Variants in DPP6 observed in about 807,000 individuals in gnomAD.
The protein encoded by DPP6 is A-type potassium channel modulatory protein DPP6.
In DPP6, 69 loss-of-function variants were observed where a neutral mutation model predicts 122.6. That is an observed-to-expected ratio of 0.56 (90% CI 0.46 to 0.69). The LOEUF (loss-of-function observed/expected upper bound fraction) is 0.69. Among genes scored for constraint, DPP6 ranks in the 30% least tolerant of loss-of-function variants. The pLI is 0.00. For missense variants in DPP6, 928 were observed against 1,116.9 expected (o/e 0.83, Z 2.41); for synonymous variants, 418 against 433.1 (o/e 0.97, Z 0.43).
At chr7:154,870,164 T>C (rs1394339733) in intron 18 of DPP6, among the ~76,000 whole-genome samples, 1 of 133,890 alleles carries the variant, frequency 7.5e-6, no homozygotes, top group Non-Finnish European at 1.6e-5. Context: ...TTTTTTTTTT[T>C]CGTAGAGACA....
chr7:154,734,962 T>C (rs1207939295), intron 8 of DPP6, among the ~76,000 whole-genome samples: 1 of 152,242 alleles, frequency 6.6e-6, no homozygotes, highest in Non-Finnish European at 1.5e-5. Flanking sequence ...CTACTATTGC[T>C]TTACCTTGTA....
At chr7:153,839,569 C>T in the DPP6 span, among the ~76,000 whole-genome samples, 2 of 152,236 alleles carry the variant, frequency 1.3e-5, no homozygotes, top group Non-Finnish European at 2.9e-5. Context: ...TCCCACTGGG[C>T]AGGCTCCTTT....
intron 10 of DPP6, among the ~76,000 whole-genome samples, chr7:154,780,585 T>C (rs1466094286): frequency 6.6e-6 from 1 of 152,236 alleles, no homozygotes; most frequent in Non-Finnish European, 1.5e-5. Flanking sequence ...ACTGAAACAC[T>C]GGACAAGGTT....
intron 1 of DPP6, among the ~76,000 whole-genome samples, chr7:154,293,514 T>C (rs1259304531): frequency 6.6e-6 from 1 of 152,176 alleles, no homozygotes; most frequent in Non-Finnish European, 1.5e-5. Flanking sequence ...CCCCATCAAC[T>C]CCTTCATCCT....
intron 1 of DPP6, among the ~76,000 whole-genome samples, chr7:154,425,281 C>T (rs917530861): frequency 1.3e-5 from 2 of 152,072 alleles, no homozygotes; most frequent in Non-Finnish European, 2.9e-5. Context: ...TAGGAAACAC[C>T]CAACAACACT....
chr7:154,596,473 A>G (rs1290469890), intron 5 of DPP6, among the ~76,000 whole-genome samples: 2 of 152,254 alleles, frequency 1.3e-5, no homozygotes, highest in Non-Finnish European at 2.9e-5. Flanking sequence ...AAAACGTGAA[A>G]GGATTTCCAC....
At position 154,019,449 on chromosome 7, in the gene DPP6, C is replaced by G. The variant is rs557474636; in HGVS notation, c.51+131715C>G. Among the ~76,000 whole-genome samples the G allele has an allele frequency of 2.4e-3, 360 of 151,478 alleles. 1 individual carries two copies. Among genetic ancestry groups the G allele is most frequent in the Admixed American group, 2.8e-3 (42 of 15,168 alleles). ...CTATTTCTTCCTCTCTCTCTTCCTT[C>G]CCTCCTTCCCTCCCTTCCTCCCTCC... On this transcript the variant is annotated intron_variant, in intron 1 of 25. Coordinates refer to the DPP6 transcript ENST00000404039.
At chr7:154,467,186 G>A (rs1476932645) in intron 2 of DPP6, among the ~76,000 whole-genome samples, 1 of 152,196 alleles carries the variant, frequency 6.6e-6, no homozygotes, top group African/African-American at 2.4e-5. Flanking sequence ...CCCTCTGGGA[G>A]TCATCTTTCT....
At chr7:154,220,181 T>C (rs1013095947) in intron 1 of DPP6, among the ~76,000 whole-genome samples, 2 of 152,172 alleles carry the variant, frequency 1.3e-5, no homozygotes, top group African/African-American at 4.8e-5. Context: ...CGGAAGTAAT[T>C]AAGTCCTGAG....
intron 1 of DPP6, among the ~76,000 whole-genome samples, chr7:154,391,526 T>A (rs747497108): frequency 6.6e-6 from 1 of 152,140 alleles, no homozygotes; most frequent in Non-Finnish European, 1.5e-5. Flanking sequence ...AAAACCTATT[T>A]CTCCTTAATT....
chr7:153,989,127 G>C (rs1177096875), intron 1 of DPP6, among the ~76,000 whole-genome samples: 14 of 149,676 alleles, frequency 9.4e-5, no homozygotes, highest in African/African-American at 3.4e-4. Flanking sequence ...GAGGAGGGCG[G>C]CTCTCTGGTG....
intron 1 of DPP6, among the ~76,000 whole-genome samples, chr7:154,003,273 T>A (rs1299510754): frequency 6.6e-6 from 1 of 152,150 alleles, no homozygotes; most frequent in Admixed American, 6.5e-5. Flanking sequence ...AGTGACTGCT[T>A]AGAGTTTATG....
At chr7:153,986,325 C>T (rs1421507644) in intron 1 of DPP6, among the ~76,000 whole-genome samples, 1 of 151,914 alleles carries the variant, frequency 6.6e-6, no homozygotes, top group Non-Finnish European at 1.5e-5. Flanking sequence ...GAGAAGCTAT[C>T]TTTCTATTTT....
At chr7:154,591,556 A>G (rs1832809829) in intron 5 of DPP6, among the ~76,000 whole-genome samples, 1 of 152,168 alleles carries the variant, frequency 6.6e-6, no homozygotes, top group Admixed American at 6.5e-5. Flanking sequence ...AGAGAGTGAG[A>G]TAATTAAAGT....
the DPP6 span, among the ~76,000 whole-genome samples, chr7:153,764,246 A>C: frequency 6.6e-6 from 1 of 152,134 alleles, no homozygotes; most frequent in Admixed American, 6.5e-5. Context: ...GGAAACCTGC[A>C]CTGGGGAAGG....
intron 4 of DPP6, among the ~76,000 whole-genome samples, chr7:154,560,418 T>C (rs1221573001): frequency 6.6e-6 from 1 of 152,208 alleles, no homozygotes; most frequent in Non-Finnish European, 1.5e-5. Context: ...AAATCTGATC[T>C]AATATAGGGT....
At chr7:153,890,579 C>T (rs1445472771) in intron 1 of DPP6, among the ~76,000 whole-genome samples, 2 of 151,540 alleles carry the variant, frequency 1.3e-5, no homozygotes, top group South Asian at 2.1e-4. Flanking sequence ...TTTCTGAGTA[C>T]AGCTAGAGGA....
intron 5 of DPP6, chr7:154,587,955 A>C (rs754346998): frequency 3.6e-5 from 58 of 1,612,832 alleles, no homozygotes; most frequent in Non-Finnish European, 4.7e-5. Context: ...GCAGCCATGC[A>C]CCTGCAGCCC....
chr7:154,052,059 C>CG (rs1407908806), upstream of DPP6, among the ~76,000 whole-genome samples: 1 of 151,174 alleles, frequency 6.6e-6, no homozygotes, highest in East Asian at 2.0e-4. This position sits in a 1 kb window ranked among gnomAD's most constrained non-coding sequence, Gnocchi z 4.8. Context: ...GCCCCCTGGC[C>CG]GGCCTGCCTG....
Sources: gnomAD v4.1 joint callset for allele counts (sites outside exome capture counted in the v4.1 genomes callset) on GRCh38, gnomAD v4.1.1 for gene constraint, Gnocchi (gnomAD v3.1) non-coding constraint, MANE v1.5 for transcripts, NCBI Gene and HGNC (gene_info 2026-07-23, HGNC 2026-07-21) for gene names.